RALGAPA1: variants seen among roughly 807,000 people sequenced by gnomAD.
RALGAPA1 encodes the protein ral GTPase-activating protein subunit alpha-1.
In RALGAPA1, 52 loss-of-function variants were observed where a neutral mutation model predicts 269.6. The ratio of observed to expected loss-of-function variants is 0.19; its 90% CI spans 0.15 to 0.24. The LOEUF (loss-of-function observed/expected upper bound fraction) is 0.24, where lower values mean the gene tolerates loss of function less well. Among genes scored for constraint, RALGAPA1 ranks in the 10% least tolerant of loss-of-function variants. RALGAPA1 has a pLI of 1.00. For synonymous variants in RALGAPA1, 817 were observed against 1,008.3 expected, an observed-to-expected ratio of 0.81 and a Z score of 3.60; for missense variants, 1,917 against 3,013.9, an observed-to-expected ratio of 0.64 and a Z score of 8.52.
chr14:35,671,643 C>G (rs995046924), intron 25 of RALGAPA1, 126 bp from the exon 26 acceptor site: 5 of 467,354 alleles, frequency 1.1e-5, no homozygotes, highest in African/African-American at 2.0e-5. Context: ...CATTGGCTAA[C>G]TGGAAAGACT....
At chr14:35,670,101 A>G (rs1238361520) in intron 26 of RALGAPA1, among the ~76,000 whole-genome samples, 1 of 152,190 alleles carries the variant, frequency 6.6e-6, no homozygotes, top group Non-Finnish European at 1.5e-5. Flanking sequence ...GGCTTTAAAT[A>G]TCATCTATAA....
intron 31 of RALGAPA1, among the ~76,000 whole-genome samples, chr14:35,638,860 A>G (rs1047094444): frequency 3.9e-5 from 6 of 152,006 alleles, no homozygotes; most frequent in African/African-American, 1.4e-4. Flanking sequence ...CAGGAGGTAG[A>G]GGTTGCAGTG....
rs1053529675 is a variant in RALGAPA1 at position 35,688,768 on chromosome 14, G to A, written c.3643C>T (p.Leu1215=). Residue 1215 remains leucine, a synonymous_variant, in exon 18 of 42, where the codon CTA becomes TTA. Coordinates refer to ENST00000680220, the MANE Select transcript of RALGAPA1 (RefSeq NM_001346249.2). The part of the protein sequence containing the change: ...ELVKPGVYRP[L]DTLGTASVSS... ...ACTGATGCAGTACCAAGTGTATCTA[G>A]AGGTCTGTACACACCAGGTTTTACT... 2.4e-5 allele frequency: 35 copies of A among 1,451,526 alleles called. No homozygotes were observed. Among genetic ancestry groups the A allele is most frequent in the Non-Finnish European group, 2.7e-5 (30 of 1,109,460 alleles). 89.9% of individuals were successfully genotyped at this position (1,451,526 alleles called of 1,614,324 possible). A position where few individuals can be genotyped will look rare whatever the true frequency, so the allele number is the denominator to read the frequency against.
intron 35 of RALGAPA1, among the ~76,000 whole-genome samples, chr14:35,614,468 C>G (rs904275230): frequency 6.6e-6 from 1 of 151,920 alleles, no homozygotes; most frequent in African/African-American, 2.4e-5. Flanking sequence ...CCACAAAAAC[C>G]CACATATTAT....
At chr14:35,768,935 G>T (rs1166431694) in intron 4 of RALGAPA1, among the ~76,000 whole-genome samples, 1 of 146,640 alleles carries the variant, frequency 6.8e-6, no homozygotes, top group Non-Finnish European at 1.5e-5. Flanking sequence ...TTGAATCTGG[G>T]AGGCGGAGGT....
At chr14:35,633,755 C>T (rs1250570531) in intron 33 of RALGAPA1, among the ~76,000 whole-genome samples, 2 of 152,128 alleles carry the variant, frequency 1.3e-5, no homozygotes, top group African/African-American at 4.8e-5. Context: ...AAACCTTCAG[C>T]AATTGCTGGG....
At chr14:35,805,530 T>C (rs991157200) in intron 1 of RALGAPA1, among the ~76,000 whole-genome samples, 3 of 151,446 alleles carry the variant, frequency 2.0e-5, no homozygotes, top group African/African-American at 7.3e-5. Flanking sequence ...TATAAAACTC[T>C]AGATAATGCA....
Position 35,752,097 on chromosome 14 carries a change from A to C in RALGAPA1, c.729T>G (p.His243Gln), listed in dbSNP as rs200073184. 1.3e-5 allele frequency: 20 copies of C among 1,586,482 alleles called. No individual in the cohort carries two copies. In the East Asian group the frequency reaches 4.5e-4, roughly 36 times the overall value. ...QERGFSFLFS[H>Q]FKKYYLPYIF... ...TATAAGGCAAGTAATATTTCTTAAA[A>C]TGTGAAAACAAAAATGAAAATCCCC... is the stretch of plus-strand genomic sequence containing the variant. The change falls in exon 8 of 42, where the codon CAT (histidine) becomes CAG (glutamine). Residue 243 changes from histidine (H) to glutamine (Q), a missense_variant. Transcript: ENST00000680220.
chr14:35,790,118 T>TAGCG (rs2076051573), intron 1 of RALGAPA1, among the ~76,000 whole-genome samples: 1 of 151,608 alleles, frequency 6.6e-6, no homozygotes, highest in South Asian at 2.1e-4. Flanking sequence ...CCAGGCATGG[T>TAGCG]GGCATGCACC....
intron 39 of RALGAPA1, 146 bp from the exon 40 acceptor site, chr14:35,549,380 T>C: frequency 1.2e-6 from 1 of 828,086 alleles, no homozygotes; most frequent in South Asian, 2.8e-5. Flanking sequence ...GTTAACAGTA[T>C]GGCTTTTTAA....
chr14:35,604,048 C>G lies in RALGAPA1; in HGVS notation c.7053+1538G>C, dbSNP rs1003330333. Among the ~76,000 whole-genome samples, 3 of 152,042 alleles carry G rather than the reference C, an allele frequency of 2.0e-5. No homozygotes were observed. The East Asian group carries it at 5.8e-4, about 29-fold the overall frequency. ...GATAAATGTTTGAAGTGATGGGTATCCTAAATACCCTGAACTGATCACTAC... is the reference window on the plus strand; with the variant it reads ...GATAAATGTTTGAAGTGATGGGTATGCTAAATACCCTGAACTGATCACTAC... On this transcript the variant is annotated intron_variant, in intron 36 of 41. Transcript: ENST00000680220.
intron 3 of RALGAPA1, among the ~76,000 whole-genome samples, chr14:35,773,923 T>TATTATTA (rs1452261448): frequency 6.6e-6 from 1 of 151,968 alleles, no homozygotes; most frequent in Non-Finnish European, 1.5e-5. Flanking sequence ...TTATTATTAT[T>TATTATTA]ATTATTATTT....
chr14:35,697,355 G>T (rs12886175), intron 17 of RALGAPA1, among the ~76,000 whole-genome samples: 10 of 139,628 alleles, frequency 7.2e-5, no homozygotes, highest in African/African-American at 1.3e-4. Context: ...GTTTTGTTTT[G>T]TTTTTTTTTG....
chr14:35,757,697 C>T (rs2073311922), intron 6 of RALGAPA1, among the ~76,000 whole-genome samples: 1 of 152,098 alleles, frequency 6.6e-6, no homozygotes, highest in Non-Finnish European at 1.5e-5. Flanking sequence ...CAGAAAAATT[C>T]ATTATAACAA....
chr14:35,735,973 T>C (rs2070956524), intron 12 of RALGAPA1, among the ~76,000 whole-genome samples: 1 of 152,316 alleles, frequency 6.6e-6, no homozygotes, highest in African/African-American at 2.4e-5. Context: ...GGAAAGTCAC[T>C]GGAGGGTTCT....
intron 3 of RALGAPA1, among the ~76,000 whole-genome samples, chr14:35,774,174 C>A (rs2074850671): frequency 6.6e-6 from 1 of 152,128 alleles, no homozygotes; most frequent in Non-Finnish European, 1.5e-5. Flanking sequence ...CCACCTCAGC[C>A]TCCGAAAGTG....
chr14:35,697,933 G>A (rs1173330709), intron 17 of RALGAPA1, among the ~76,000 whole-genome samples: 1 of 152,096 alleles, frequency 6.6e-6, no homozygotes, highest in East Asian at 1.9e-4. Flanking sequence ...ATGTACACAA[G>A]CATAAAAAAC....
intron 39 of RALGAPA1, among the ~76,000 whole-genome samples, chr14:35,550,271 T>C (rs2054868402): frequency 6.6e-6 from 1 of 152,162 alleles, no homozygotes; most frequent in Non-Finnish European, 1.5e-5. Flanking sequence ...TCAGTTAACC[T>C]TTCTTTTAAA....
chr14:35,560,969 C>A (rs1275233517), intron 39 of RALGAPA1, among the ~76,000 whole-genome samples: 1 of 152,086 alleles, frequency 6.6e-6, no homozygotes, highest in African/African-American at 2.4e-5. Flanking sequence ...GTGGCTCACA[C>A]CTGTAATCCC....
Sources: allele counts gnomAD v4.1 joint callset (sites outside exome capture counted in the v4.1 genomes callset), GRCh38; gene constraint gnomAD v4.1.1; transcripts MANE v1.5; gene names NCBI Gene and HGNC (gene_info 2026-07-23, HGNC 2026-07-21).